GCGR: variants seen among roughly 807,000 people sequenced by gnomAD.
The protein encoded by GCGR is glucagon receptor.
In GCGR, 41 loss-of-function variants were observed where a neutral mutation model predicts 56.1. The observed-to-expected ratio is 0.73, with a 90% CI of 0.57 to 0.95. GCGR has a LOEUF of 0.95. Ranked by LOEUF, GCGR falls within the 40% of genes least tolerant of loss-of-function variation. The pLI, the probability that GCGR is intolerant of heterozygous loss-of-function variation, is 0.00. For synonymous variants in GCGR, 278 were observed against 271.1 expected (o/e 1.03, Z -0.25); for missense variants, 595 against 638.2 (o/e 0.93, Z 0.73).
Position 81,813,511 on chromosome 17 carries a change from G to A in GCGR, c.1256G>A (p.Arg419His), listed in dbSNP as rs769673542. ...CTGCGGCGGCGTTGGCACCGCTGGCGCCTGGGCAAAGTGCTATGGGAGGAG... is the reference window on the plus strand; with the variant it reads ...CTGCGGCGGCGTTGGCACCGCTGGCACCTGGGCAAAGTGCTATGGGAGGAG... ...SELRRRWHRW[R>H]LGKVLWEERN... The change falls in exon 14 of 14, where the codon CGC becomes CAC. Residue 419 changes from arginine (R) to histidine (H), a missense_variant. Coordinates refer to ENST00000400723, the MANE Select transcript of GCGR (RefSeq NM_000160.5). The surrounding 1 kb of genome is among the most constrained non-coding windows in gnomAD (Gnocchi z 5.3). 19 of 1,535,672 alleles carry A rather than the reference G, an allele frequency of 1.2e-5. No homozygotes were observed. The highest frequency in any genetic ancestry group is 7.1e-5 in the South Asian group (6 of 84,056).
At chr17:81,807,257 TG>T (rs2037983303) in intron 1 of GCGR, among the ~76,000 whole-genome samples, 1 of 152,226 alleles carries the variant, frequency 6.6e-6, no homozygotes, top group Admixed American at 6.5e-5. Context: ...GCTGCTCACC[TG>T]GCTCAGGAAC....
Position 81,813,172 on chromosome 17 carries a change from C to G in GCGR, c.1218+115C>G. Reference sequence around the variant, plus strand: ...GCCCGGGGGTTGGAACACGTGGGGCCCAAGCCTTTCCCTCCCCCTGCTCTT... The same window carrying G: ...GCCCGGGGGTTGGAACACGTGGGGCGCAAGCCTTTCCCTCCCCCTGCTCTT... On this transcript the variant is annotated intron_variant, in intron 13 of 13. Transcript: ENST00000400723. The surrounding 1 kb of genome is among the most constrained non-coding windows in gnomAD (Gnocchi z 5.3). 2.1e-6 allele frequency: 3 copies of G among 1,435,654 alleles called. No homozygotes were observed. In the East Asian group the frequency reaches 7.4e-5, roughly 36 times the overall value. The allele number at this position is 1,435,654 out of a possible 1,614,324, so 88.9% of individuals were successfully genotyped here.
In GCGR at chr17:81,812,073, C is replaced by T. The variant is rs2038113754; in HGVS notation, c.879-110C>T. 25 of 1,509,122 alleles carry T rather than the reference C, an allele frequency of 1.7e-5. No individual in the cohort carries two copies. The highest frequency in any genetic ancestry group is 2.2e-5 in the Non-Finnish European group (25 of 1,123,410). 93.5% of individuals were successfully genotyped at this position (1,509,122 alleles called of 1,614,324 possible). A position where few individuals can be genotyped will look rare whatever the true frequency, so the allele number is the denominator to read the frequency against. ...GGAGGGGGTCATTTGTGACCTTCTC[C>T]CTTCCTTTTCTGAGACCCGAATTAG... On this transcript the variant is annotated intron_variant, in intron 9 of 13. Coordinates refer to ENST00000400723, the MANE Select transcript of GCGR (RefSeq NM_000160.5). This position sits in a 1 kb window ranked among gnomAD's most constrained non-coding sequence, Gnocchi z 8.5.
At position 81,812,865 on chromosome 17, in the gene GCGR, G is replaced by A. The variant is rs370541643; in HGVS notation, c.1096G>A (p.Ala366Thr). The A allele has an allele frequency of 2.1e-4, 330 of 1,535,944 alleles. No individual in the cohort carries two copies. Among genetic ancestry groups the A allele is most frequent in the Non-Finnish European group, 2.7e-4 (310 of 1,146,776 alleles). The change falls in exon 12 of 14, where the codon GCC becomes ACC. Residue 366 changes from alanine to threonine, a missense_variant. Transcript: ENST00000400723. The surrounding 1 kb of genome is among the most constrained non-coding windows in gnomAD (Gnocchi z 8.5). ...PLLGVHEVVF[A>T]FVTDEHAQGT... ...GCTGGGCGTCCACGAAGTGGTCTTCGCCTTCGTGACGGACGAGCACGCCCA... is the reference window on the plus strand; with the variant it reads ...GCTGGGCGTCCACGAAGTGGTCTTCACCTTCGTGACGGACGAGCACGCCCA...
rs775595105 is a variant in GCGR at position 81,811,738 on chromosome 17, C to T, written c.745C>T (p.Leu249=). 1.9e-6 allele frequency: 3 copies of T among 1,543,748 alleles called. No homozygotes were observed. Among genetic ancestry groups the T allele is most frequent in the East Asian group, 2.4e-5 (1 of 41,334 alleles). ...CTGGCTGCTGGTGGAGGGCCTGTACCTGCACAACCTGCTGGGCCTGGCCAC... is the reference window on the plus strand; with the variant it reads ...CTGGCTGCTGGTGGAGGGCCTGTACTTGCACAACCTGCTGGGCCTGGCCAC... ...YCWLLVEGLY[L]HNLLGLATLP... Residue 249 remains leucine (L), a synonymous_variant, in exon 8 of 14, where the codon CTG becomes TTG. Transcript: ENST00000400723. This position sits in a 1 kb window ranked among gnomAD's most constrained non-coding sequence, Gnocchi z 5.8.
At chr17:81,807,176 G>A (rs575245382) in intron 1 of GCGR, among the ~76,000 whole-genome samples, 3 of 152,222 alleles carry the variant, frequency 2.0e-5, no homozygotes, top group Admixed American at 6.5e-5. Context: ...TCCCCCACCC[G>A]CCTGCCGCTG....
In GCGR at chr17:81,806,157, C is replaced by T. The variant is rs1400936358; in HGVS notation, c.-178+1908C>T. On this transcript the variant is annotated intron_variant, in intron 1 of 13. Coordinates refer to ENST00000400723, the MANE Select transcript of GCGR (RefSeq NM_000160.5). The surrounding 1 kb of genome is among the most constrained non-coding windows in gnomAD (Gnocchi z 6.5). ...GGTGCTCAGCTGGAAATTGGTCCCCCCCCGGCTCCACCCACCCCTGTTGGG... is the reference window on the plus strand; with the variant it reads ...GGTGCTCAGCTGGAAATTGGTCCCCTCCCGGCTCCACCCACCCCTGTTGGG... Among the ~76,000 whole-genome samples, 2 of 152,166 alleles carry T rather than the reference C, an allele frequency of 1.3e-5. No homozygotes were observed. The highest frequency in any genetic ancestry group is 2.9e-5 in the Non-Finnish European group (2 of 68,016).
Position 81,813,009 on chromosome 17 carries a change from T to A in GCGR, c.1177-7T>A, listed in dbSNP as rs747835797. 1 of 1,536,342 alleles carries A rather than the reference T, an allele frequency of 6.5e-7. No homozygotes were observed. Among genetic ancestry groups the A allele is most frequent in the Non-Finnish European group, 8.7e-7 (1 of 1,146,784 alleles). ...GTGTGCCACCCCTGACCACCCTGTC[T>A]CTCCAGGGCCTGCTGGTGGCTGTCC... On this transcript the variant is annotated splice_polypyrimidine_tract_variant and splice_region_variant and intron_variant, in intron 12 of 13. Coordinates refer to ENST00000400723, the MANE Select transcript of GCGR (RefSeq NM_000160.5). This position sits in a 1 kb window ranked among gnomAD's most constrained non-coding sequence, Gnocchi z 5.3.
chr17:81,813,186 C>A lies in GCGR; in HGVS notation c.1218+129C>A. On this transcript the variant is annotated intron_variant, in intron 13 of 13. Coordinates refer to ENST00000400723, the MANE Select transcript of GCGR (RefSeq NM_000160.5). This position sits in a 1 kb window ranked among gnomAD's most constrained non-coding sequence, Gnocchi z 5.3. ...ACACGTGGGGCCCAAGCCTTTCCCT[C>A]CCCCTGCTCTTATTGGGTGCAGTTG... 1 of 1,387,630 alleles carries A rather than the reference C, an allele frequency of 7.2e-7. No individual in the cohort carries two copies. 86.0% of individuals were successfully genotyped at this position (1,387,630 alleles called of 1,614,324 possible).
chr17:81,813,041 G>A lies in GCGR; in HGVS notation c.1202G>A (p.Cys401Tyr). 3 of 1,536,342 alleles carry A rather than the reference G, an allele frequency of 2.0e-6. No homozygotes were observed. The highest frequency in any genetic ancestry group is 2.6e-6 in the Non-Finnish European group (3 of 1,146,832). ...FQGLLVAVLY[C>Y]FLNKEVQSEL... ...GGCCTGCTGGTGGCTGTCCTCTACT[G>A]CTTCCTCAACAAGGAGGTAGGTGGG... The change falls in exon 13 of 14, where the codon TGC becomes TAC. Residue 401 changes from cysteine to tyrosine, a missense_variant. Physicochemically the swap from Cys to Tyr is radical, Grantham distance 194. Coordinates refer to ENST00000400723, the MANE Select transcript of GCGR (RefSeq NM_000160.5). This position sits in a 1 kb window ranked among gnomAD's most constrained non-coding sequence, Gnocchi z 5.3.
In GCGR at chr17:81,811,439, ATCTGTT is replaced by A; in HGVS notation, c.538_543del (p.Leu180_Phe181del). On this transcript the variant is annotated inframe_deletion, in exon 7 of 14. Coordinates refer to ENST00000400723, the MANE Select transcript of GCGR (RefSeq NM_000160.5). The surrounding 1 kb of genome is among the most constrained non-coding windows in gnomAD (Gnocchi z 5.8). ...TGCACCCGCAATGCCATCCACGCGA[ATCTGTT>A]TGCGTCCTTCGTGCTGAAAGCCAGC... 1 of 1,536,594 alleles carries A rather than the reference ATCTGTT, an allele frequency of 6.5e-7. No homozygotes were observed. The highest frequency in any genetic ancestry group is 8.7e-7 in the Non-Finnish European group (1 of 1,146,860).
rs1401075459 is a variant in GCGR, at chr17:81,811,530, C to A, written c.627C>A (p.Asp209Glu). 5 of 1,536,574 alleles carry A rather than the reference C, an allele frequency of 3.3e-6. No individual in the cohort carries two copies. In the East Asian group the frequency reaches 1.2e-4, roughly 38 times the overall value. ...GCTACAGCCAGAAAATTGGCGACGA[C>A]CTCAGTGTCAGCACCTGGCTCAGTG... Reference protein sequence around the residue: ...RTRYSQKIGDDLSVSTWLSDG... With the variant: ...RTRYSQKIGDELSVSTWLSDG... The change falls in exon 7 of 14, where the codon GAC becomes GAA. Residue 209 changes from aspartate to glutamate, a missense_variant. By Grantham distance (45) the Asp-to-Glu change is conservative. Coordinates refer to ENST00000400723, the MANE Select transcript of GCGR (RefSeq NM_000160.5). The surrounding 1 kb of genome is among the most constrained non-coding windows in gnomAD (Gnocchi z 5.8).
Position 81,812,522 on chromosome 17 carries a change from A to G in GCGR, c.949-55A>G. On this transcript the variant is annotated intron_variant, in intron 10 of 13. Coordinates refer to ENST00000400723, the MANE Select transcript of GCGR (RefSeq NM_000160.5). This position sits in a 1 kb window ranked among gnomAD's most constrained non-coding sequence, Gnocchi z 8.5. ...GGGTCAGGTGGGGCCTTCCAAGGGC[A>G]CAGAGCTGTTCCCTGGGGCTCGGGA... The G allele has an allele frequency of 6.7e-7, 1 of 1,492,802 alleles. No homozygotes were observed. Among genetic ancestry groups the G allele is most frequent in the South Asian group, 1.2e-5 (1 of 82,006 alleles). 92.5% of individuals were successfully genotyped at this position (1,492,802 alleles called of 1,614,324 possible). A position where few individuals can be genotyped will look rare whatever the true frequency, so the allele number is the denominator to read the frequency against.
In GCGR at chr17:81,811,875, GC is replaced by G. The variant is rs1207729008; in HGVS notation, c.818-5del. 6.5e-7 allele frequency: 1 copy of G among 1,536,942 alleles called. No individual in the cohort carries two copies. The highest frequency in any genetic ancestry group is 8.7e-7 in the Non-Finnish European group (1 of 1,146,892). On this transcript the variant is annotated splice_polypyrimidine_tract_variant and intron_variant, in intron 8 of 13. Transcript: ENST00000400723. This position sits in a 1 kb window ranked among gnomAD's most constrained non-coding sequence, Gnocchi z 5.8. Reference sequence around the variant, plus strand: ...CCAAGCCTTTGGGACCACAGCTGCTGCCCCCCACAGGTGCCCCCATGCTGTT... The same window carrying G: ...CCAAGCCTTTGGGACCACAGCTGCTGCCCCCACAGGTGCCCCCATGCTGTT...
At position 81,813,058 on chromosome 17, in the gene GCGR, G is replaced by T. The variant is rs1368112351; in HGVS notation, c.1218+1G>T. On this transcript the variant is annotated splice_donor_variant, in intron 13 of 13. Coordinates refer to ENST00000400723, the MANE Select transcript of GCGR (RefSeq NM_000160.5). LOFTEE classifies it high-confidence loss of function. This position sits in a 1 kb window ranked among gnomAD's most constrained non-coding sequence, Gnocchi z 5.3. ...CCTCTACTGCTTCCTCAACAAGGAG[G>T]TAGGTGGGAGTGGGGGCATCTGAGA... 4.6e-6 allele frequency: 7 copies of T among 1,535,960 alleles called. No individual in the cohort carries two copies. Among genetic ancestry groups the T allele is most frequent in the Non-Finnish European group, 6.1e-6 (7 of 1,146,828 alleles).
In GCGR at chr17:81,804,887, C is replaced by T. The variant is rs1349070949; in HGVS notation, c.-178+638C>T. On this transcript the variant is annotated intron_variant, in intron 1 of 13. Transcript: ENST00000400723. The surrounding 1 kb of genome is among the most constrained non-coding windows in gnomAD (Gnocchi z 8.2). ...ACCGGGCTTATGCTCCGACTCTGAA[C>T]CGACTGACCCCGGCCCCCTCGGCGC... Among the ~76,000 whole-genome samples, 4 of 152,160 alleles carry T rather than the reference C, an allele frequency of 2.6e-5. No homozygotes were observed. Among genetic ancestry groups the T allele is most frequent in the African/African-American group, 9.7e-5 (4 of 41,446 alleles).
rs1366403753 is a variant in GCGR, at chr17:81,811,927, T to G, written c.859T>G (p.Cys287Gly). The change falls in exon 9 of 14, where the codon TGT (cysteine) becomes GGT (glycine). Residue 287 changes from cysteine to glycine, a missense_variant. Cys to Gly is a radical substitution (Grantham distance 159). Transcript: ENST00000400723. The surrounding 1 kb of genome is among the most constrained non-coding windows in gnomAD (Gnocchi z 5.8). Reference sequence around the variant, plus strand: ...CGTCGTCCCCTGGGCAGTGGTCAAGTGTCTGTTCGAGAACGTCCAGTGAGT... The same window carrying G: ...CGTCGTCCCCTGGGCAGTGGTCAAGGGTCTGTTCGAGAACGTCCAGTGAGT... ...LFVVPWAVVKCLFENVQCWTS... is the reference protein window; with the variant it reads ...LFVVPWAVVKGLFENVQCWTS... 19 of 1,536,870 alleles carry G rather than the reference T, an allele frequency of 1.2e-5. No individual in the cohort carries two copies. In the East Asian group the frequency reaches 4.6e-4, roughly 38 times the overall value.
chr17:81,808,800 T>C, intron 1 of GCGR, 42 bp from the exon 2 acceptor site: 2 of 604,390 alleles, frequency 3.3e-6, no homozygotes, highest in Non-Finnish European at 5.8e-6. Context: ...ATTACAGGCG[T>C]GAGCCGCCGC....
At chr17:81,805,070 C>G (rs1449916729) in intron 1 of GCGR, 2 of 152,370 alleles carry the variant, frequency 1.3e-5, no homozygotes, top group African/African-American at 4.8e-5. Flanking sequence ...GATCCCGCCC[C>G]GGTGCCCTGA....
Sources: gnomAD v4.1 joint callset for allele counts (sites outside exome capture counted in the v4.1 genomes callset) on GRCh38, gnomAD v4.1.1 for gene constraint, Gnocchi (gnomAD v3.1) non-coding constraint, MANE v1.5 for transcripts, NCBI Gene and HGNC (gene_info 2026-07-23, HGNC 2026-07-21) for gene names.